TSGA10IP: variants seen among roughly 807,000 people sequenced by gnomAD.
TSGA10IP encodes the protein testis-specific protein 10-interacting protein.
Under a neutral mutation model 63.2 loss-of-function variants are expected in TSGA10IP, and 64 were observed. The ratio of observed to expected loss-of-function variants is 1.01; its 90% CI spans 0.83 to 1.25. The LOEUF (loss-of-function observed/expected upper bound fraction) is 1.25, where lower values mean the gene tolerates loss of function less well. Among genes scored for constraint, TSGA10IP ranks in the 50% most tolerant of loss-of-function variants. TSGA10IP has a pLI of 0.00. For missense variants in TSGA10IP, 681 were observed against 710.1 expected, an observed-to-expected ratio of 0.96 and a Z score of 0.47; for synonymous variants, 316 against 298.3, an observed-to-expected ratio of 1.06 and a Z score of -0.61.
chr11:65,946,178 G>A (rs944091400), intron 1 of TSGA10IP, among the ~76,000 whole-genome samples: 4 of 152,188 alleles, frequency 2.6e-5, no homozygotes, highest in Non-Finnish European at 5.9e-5. Flanking sequence ...GGGCCCAGAG[G>A]TGGCCTAGCG....
chr11:65,947,915 C>A, intron 3 of TSGA10IP, 86 bp from the exon 4 acceptor site: 2 of 1,511,398 alleles, frequency 1.3e-6, no homozygotes, highest in Non-Finnish European at 1.8e-6. Flanking sequence ...CTCAGGCAGG[C>A]TGGGCTGTGC....
exon 4 of TSGA10IP, chr11:65,948,067 C>A: frequency 6.3e-7 from 1 of 1,585,750 alleles, no homozygotes; most frequent in Non-Finnish European, 8.6e-7. Flanking sequence ...AATGGAAAGG[C>A]CTATGCCTCG....
exon 3 of TSGA10IP, chr11:65,947,222 C>A: frequency 6.2e-7 from 1 of 1,608,622 alleles, no homozygotes; most frequent in East Asian, 2.2e-5. Context: ...CCCTGGCCAC[C>A]AAGCCCTGCC....
exon 3 of TSGA10IP, chr11:65,947,346 A>G: frequency 6.2e-7 from 1 of 1,612,194 alleles, no homozygotes; most frequent in South Asian, 1.1e-5. Flanking sequence ...GCGAGACAGC[A>G]GCTGGGAGCC....
intron 5 of TSGA10IP, among the ~76,000 whole-genome samples, chr11:65,955,414 T>G (rs1484123522): frequency 6.6e-6 from 1 of 152,126 alleles, no homozygotes; most frequent in Non-Finnish European, 1.5e-5. Context: ...GAGACCAGCC[T>G]GGCCAACGTA....
exon 5 of TSGA10IP, chr11:65,953,638 CACAGCATGTACA>C (rs1424339550): frequency 6.3e-7 from 1 of 1,591,560 alleles, no homozygotes. Context: ...CGGGCCCGGA[CACAGCATGTACA>C]GCGGCAGGTG....
At chr11:65,949,554 C>T (rs927384746) in intron 4 of TSGA10IP, among the ~76,000 whole-genome samples, 1 of 151,704 alleles carries the variant, frequency 6.6e-6, no homozygotes, top group African/African-American at 2.4e-5. Flanking sequence ...GTAGCTGGGA[C>T]TACAGGAGCC....
chr11:65,946,234 T>A (rs1208211312), intron 1 of TSGA10IP, among the ~76,000 whole-genome samples: 1 of 152,000 alleles, frequency 6.6e-6, no homozygotes, highest in Non-Finnish European at 1.5e-5. Context: ...CTGTGTGACC[T>A]CAGTTACTCA....
chr11:65,945,691 G>A (rs1854813654), exon 1 of TSGA10IP: 9 of 1,612,018 alleles, frequency 5.6e-6, no homozygotes, highest in Non-Finnish European at 7.6e-6. Context: ...GCAGGACACC[G>A]ATATGCTAAA....
Position 65,951,744 on chromosome 11 carries a change from G to T in TSGA10IP, c.1152-1823G>T, listed in dbSNP as rs114011652. Among the ~76,000 whole-genome samples the T allele has an allele frequency of 4.1e-3, 616 of 151,416 alleles. 3 individuals carry two copies. The highest frequency in any genetic ancestry group is 0.014 in the African/African-American group (593 of 41,264). ...TTTTATTTGTAGAGATAGGTGTCTT[G>T]CTATGTGGCCCAGGCTGGTCTCAAC... On this transcript the variant is annotated intron_variant, in intron 4 of 7. Transcript: ENST00000532620.
At chr11:65,951,518 T>TTTTTTATTA (rs56793895) in intron 4 of TSGA10IP, among the ~76,000 whole-genome samples, 20 of 139,112 alleles carry the variant, frequency 1.4e-4, no homozygotes, top group South Asian at 9.2e-4. Context: ...ATTTGCTTAT[T>TTTTTTATTA]TTATTATTAT....
rs147751699 is a variant in TSGA10IP, at chr11:65,953,787, C to T, written c.1322+50C>T. 1.7e-3 allele frequency: 2,358 copies of T among 1,407,746 alleles called. 3 individuals are homozygous for T. The highest frequency in any genetic ancestry group is 2.0e-3 in the Admixed American group (74 of 36,138). The allele number at this position is 1,407,746 out of a possible 1,614,324, so 87.2% of individuals were successfully genotyped here. A position where few individuals can be genotyped will look rare whatever the true frequency, so the allele number is the denominator to read the frequency against. The stretch of plus-strand genomic sequence containing the variant: ...CCTGGTTGGGAGAGGGCAGGGAGGC[C>T]GTGTCAGGTCTCAGTCTACAGGACC... On this transcript the variant is annotated intron_variant, in intron 5 of 7. Coordinates refer to ENST00000532620, the Ensembl canonical transcript of TSGA10IP.
At chr11:65,959,263 T>C (rs1303854619) in exon 7 of TSGA10IP, 4 of 1,610,852 alleles carry the variant, frequency 2.5e-6, no homozygotes, top group Non-Finnish European at 3.4e-6. Context: ...GAGGAGCAGC[T>C]GCTGTCTGAG....
In TSGA10IP at chr11:65,953,753, T is replaced by A; in HGVS notation, c.1322+16T>A. ...AGGAGCTGAGGTAGGGAGCCTGGGC[T>A]TCGGGAGGCCTGGTTGGGAGAGGGC... On this transcript the variant is annotated intron_variant, in intron 5 of 7. Coordinates refer to ENST00000532620, the Ensembl canonical transcript of TSGA10IP. The A allele has an allele frequency of 6.7e-7, 1 of 1,497,582 alleles. No individual in the cohort carries two copies. The highest frequency in any genetic ancestry group is 2.5e-5 in the East Asian group (1 of 40,406). The allele number at this position is 1,497,582 out of a possible 1,614,324, so 92.8% of individuals were successfully genotyped here.
At chr11:65,959,890 C>A (rs752486913) in exon 8 of TSGA10IP, 1 of 1,611,804 alleles carries the variant, frequency 6.2e-7, no homozygotes, top group South Asian at 1.1e-5. Flanking sequence ...CACCGGCAGC[C>A]AGCCTGACAG....
Position 65,945,539 on chromosome 11 carries a change from A to T in TSGA10IP, c.-137A>T. 1 of 917,044 alleles carries T rather than the reference A, an allele frequency of 1.1e-6. No individual in the cohort carries two copies. Among genetic ancestry groups the T allele is most frequent in the Non-Finnish European group, 1.6e-6 (1 of 612,594 alleles). The allele number at this position is 917,044 out of a possible 1,614,324, so 56.8% of individuals were successfully genotyped here. On this transcript the variant is annotated 5_prime_UTR_variant, in exon 1 of 8. The change creates a new upstream start codon in the 5' untranslated region. Coordinates refer to ENST00000532620, the Ensembl canonical transcript of TSGA10IP. ...GCATCCTGCTGAACTCTCTCCCAGA[A>T]GGAGATTGGCCTCACATACCCCACT...
intron 5 of TSGA10IP, among the ~76,000 whole-genome samples, chr11:65,954,095 C>G (rs1414658922): frequency 1.3e-5 from 2 of 152,002 alleles, no homozygotes; most frequent in African/African-American, 2.4e-5. Context: ...TGACCCCACT[C>G]TGGGAGACAA....
Position 65,947,322 on chromosome 11 carries a change from C to T in TSGA10IP, c.497C>T (p.Ala166Val), listed in dbSNP as rs200322456. Residue 166 changes from alanine (A) to valine (V), a missense_variant, in exon 3 of 8, where the codon GCG becomes GTG. Ala to Val is a moderately conservative substitution (Grantham distance 64, BLOSUM62 0). Coordinates refer to ENST00000532620, the Ensembl canonical transcript of TSGA10IP. The stretch of plus-strand genomic sequence containing the variant: ...CATGGCTGCTGCTGGAAGACAGAGG[C>T]GCAAAACCTGAAGGCGAGACAGCAG... 4.8e-4 allele frequency: 770 copies of T among 1,612,176 alleles called. 1 individual carries two copies. The highest frequency in any genetic ancestry group is 9.5e-4 in the Admixed American group (57 of 59,780).
In TSGA10IP at chr11:65,947,071, G is replaced by T. The variant is rs769247651; in HGVS notation, c.285-39G>T. The T allele has an allele frequency of 2.5e-6, 4 of 1,609,658 alleles. No homozygotes were observed. The South Asian group carries it at 4.4e-5, about 18-fold the overall frequency. On this transcript the variant is annotated intron_variant, in intron 2 of 7. Coordinates refer to ENST00000532620, the Ensembl canonical transcript of TSGA10IP. ...TGTTGGGGGTCAGGGCCCTCTGGGG[G>T]CTGGCGCCGACCCTGACCCCCACCC...
Sources: allele counts gnomAD v4.1 joint callset (sites outside exome capture counted in the v4.1 genomes callset), GRCh38; gene constraint gnomAD v4.1.1; transcripts MANE v1.5; gene names NCBI Gene and HGNC (gene_info 2026-07-23, HGNC 2026-07-21).